Variants in REDIC1 observed in about 807,000 individuals in gnomAD.
The protein encoded by REDIC1 is regulator of DNA class I crossover intermediates 1.
At chr12:39,769,372 C>G in the REDIC1 span, among the ~76,000 whole-genome samples, 2 of 151,970 alleles carry the variant, frequency 1.3e-5, no homozygotes, top group African/African-American at 2.4e-5. Flanking sequence ...TTTGGAGATG[C>G]TTTGTAGGAC....
At chr12:39,643,747 G>T in the REDIC1 span, 1 of 1,402,928 alleles carries the variant, frequency 7.1e-7, no homozygotes, top group Non-Finnish European at 9.8e-7. Flanking sequence ...CCGCATATTT[G>T]CTGCATTGTT....
chr12:39,746,518 G>A, the REDIC1 span, among the ~76,000 whole-genome samples: 148,656 of 152,332 alleles, frequency 0.98, 72,538 homozygotes, highest in East Asian at 1. Context: ...TAGCCGAACA[G>A]AAGGCAGCAG....
chr12:39,854,847 C>T, the REDIC1 span, among the ~76,000 whole-genome samples: 4 of 152,164 alleles, frequency 2.6e-5, no homozygotes, highest in Non-Finnish European at 5.9e-5. Context: ...TTGCACAGTT[C>T]GCTGTCATGC....
the REDIC1 span, among the ~76,000 whole-genome samples, chr12:39,709,519 A>G: frequency 9.3e-6 from 1 of 107,984 alleles, no homozygotes; most frequent in Non-Finnish European, 1.9e-5. Flanking sequence ...CCCTCCCCCC[A>G]GCCCCTGGCC....
chr12:39,631,613 T>G, the REDIC1 span, among the ~76,000 whole-genome samples: 2 of 152,094 alleles, frequency 1.3e-5, no homozygotes, highest in Admixed American at 6.5e-5. Context: ...TGACAAAGAG[T>G]ACTTGTGAAA....
the REDIC1 span, among the ~76,000 whole-genome samples, chr12:39,711,813 GTGT>G: frequency 1.1e-5 from 1 of 89,370 alleles, no homozygotes; most frequent in South Asian, 4.0e-4. Flanking sequence ...ATGTGTATGT[GTGT>G]ACACATGCAT....
At chr12:39,717,503 T>C in the REDIC1 span, among the ~76,000 whole-genome samples, 1 of 151,968 alleles carries the variant, frequency 6.6e-6, no homozygotes, top group Non-Finnish European at 1.5e-5. Context: ...TTGAGTAGGC[T>C]GAGGAGGAGA....
the REDIC1 span, among the ~76,000 whole-genome samples, chr12:39,714,118 T>C: frequency 6.6e-6 from 1 of 150,816 alleles, no homozygotes; most frequent in South Asian, 2.1e-4. Flanking sequence ...TGTATACGTG[T>C]ATATGTATAT....
At chr12:39,840,307 T>C in the REDIC1 span, among the ~76,000 whole-genome samples, 1 of 152,018 alleles carries the variant, frequency 6.6e-6, no homozygotes, top group Non-Finnish European at 1.5e-5. Context: ...GCTCTTCCAA[T>C]AGTCTTCTAA....
the REDIC1 span, among the ~76,000 whole-genome samples, chr12:39,705,286 T>C: frequency 7.3e-3 from 1,103 of 151,856 alleles, 6 homozygotes; most frequent in Admixed American, 0.017. Flanking sequence ...ACCTGAACAG[T>C]CCAATAACGA....
At chr12:39,769,406 C>A in the REDIC1 span, among the ~76,000 whole-genome samples, 1 of 152,028 alleles carries the variant, frequency 6.6e-6, no homozygotes, top group Non-Finnish European at 1.5e-5. Flanking sequence ...ATCTGAAGAA[C>A]AGATCTTTTA....
At chr12:39,675,420 CAATGTAGGGCA>C in the REDIC1 span, among the ~76,000 whole-genome samples, 1 of 152,098 alleles carries the variant, frequency 6.6e-6, no homozygotes, top group Non-Finnish European at 1.5e-5. Context: ...TTATCCTGGC[CAATGTAGGGCA>C]AACTTGCATA....
At chr12:39,777,932 CA>C in the REDIC1 span, among the ~76,000 whole-genome samples, 6 of 152,334 alleles carry the variant, frequency 3.9e-5, no homozygotes, top group South Asian at 6.2e-4. Flanking sequence ...TGCAGTAAGG[CA>C]GGGGTCTAAT....
At chr12:39,661,884 C>G in the REDIC1 span, among the ~76,000 whole-genome samples, 1 of 151,874 alleles carries the variant, frequency 6.6e-6, no homozygotes, top group Non-Finnish European at 1.5e-5. Context: ...TCTAGTTTAC[C>G]CAGCACCATT....
the REDIC1 span, among the ~76,000 whole-genome samples, chr12:39,713,323 T>C: frequency 6.9e-6 from 1 of 145,002 alleles, no homozygotes; most frequent in African/African-American, 2.6e-5. Context: ...TATATATGTG[T>C]ATACACATAT....
chr12:39,749,412 A>G, the REDIC1 span, among the ~76,000 whole-genome samples: 3 of 152,244 alleles, frequency 2.0e-5, no homozygotes, highest in Non-Finnish European at 4.4e-5. Context: ...AGGCTCTGAA[A>G]TTGAGGCAAT....
chr12:39,732,608 T>C, the REDIC1 span, among the ~76,000 whole-genome samples: 2 of 152,206 alleles, frequency 1.3e-5, no homozygotes, highest in East Asian at 3.8e-4. Context: ...CCTAGCAGTA[T>C]AGTTTATATA....
At chr12:39,678,629 CAAAAAAAAAAA>C in the REDIC1 span, among the ~76,000 whole-genome samples, 120 of 96,206 alleles carry the variant, frequency 1.2e-3, no homozygotes, top group Non-Finnish European at 1.8e-3. Flanking sequence ...AAAGGCATAA[CAAAAAAAAAAA>C]AAAAAAAAAG....
the REDIC1 span, among the ~76,000 whole-genome samples, chr12:39,895,514 T>TTA: frequency 1.2e-3 from 67 of 56,626 alleles, 2 homozygotes; most frequent in African/African-American, 4.4e-3. Flanking sequence ...AAAAAAAAAA[T>TTA]TATATATATA....
Sources: gnomAD v4.1 joint callset for allele counts (sites outside exome capture counted in the v4.1 genomes callset) on GRCh38, gnomAD v4.1.1 for gene constraint, MANE v1.5 for transcripts, NCBI Gene and HGNC (gene_info 2026-07-23, HGNC 2026-07-21) for gene names.